INTS14: variants seen among roughly 807,000 people sequenced by gnomAD.
INTS14 encodes the protein UPF0464 protein C15orf44.
A neutral mutation model predicts 56.9 loss-of-function variants in INTS14; 27 were observed. The observed-to-expected ratio is 0.47, with a 90% CI of 0.35 to 0.65. The LOEUF (loss-of-function observed/expected upper bound fraction) is 0.65, where lower values mean the gene tolerates loss of function less well. Ranked by LOEUF, INTS14 falls within the 30% of genes least tolerant of loss-of-function variation. INTS14 has a pLI of 0.00. For synonymous variants in INTS14, 207 were observed against 236.2 expected (o/e 0.88, Z 1.13); for missense variants, 517 against 632.2 (o/e 0.82, Z 1.95).
In INTS14 at chr15:65,594,095, C is replaced by G. The variant is rs371692548; in HGVS notation, c.842-523G>C. ...TGGAAGCTTCAGGCACCCATTTAAA[C>G]AGAATTAGATACAGAGATGTCAAGT... On this transcript the variant is annotated intron_variant, in intron 7 of 11. Transcript: ENST00000313182. 5.9e-5 allele frequency among the ~76,000 whole-genome samples: 9 copies of G among 152,154 alleles called. No individual in the cohort carries two copies. The East Asian group carries it at 9.6e-4, about 16-fold the overall frequency.
At position 65,579,154 on chromosome 15, in the gene INTS14, G is replaced by A. The variant is rs1437010363; in HGVS notation, c.*254C>T. The A allele has an allele frequency of 2.3e-6, 1 of 436,478 alleles. No homozygotes were observed. Among genetic ancestry groups the A allele is most frequent in the South Asian group, 3.3e-5 (1 of 29,968 alleles). 27.0% of individuals were successfully genotyped at this position (436,478 alleles called of 1,614,324 possible). On this transcript the variant is annotated 3_prime_UTR_variant, in exon 12 of 12. Coordinates refer to ENST00000313182, the MANE Select transcript of INTS14 (RefSeq NM_001394796.1). ...CAGTCATTCAAGCTTCTCAGGAAAT[G>A]TGCCCATCATGGGAACAGCAGCTAT...
At chr15:65,597,231 T>G (rs1246685279) in intron 6 of INTS14, among the ~76,000 whole-genome samples, 2 of 152,160 alleles carry the variant, frequency 1.3e-5, no homozygotes, top group Non-Finnish European at 2.9e-5. Flanking sequence ...TCACAGCCCC[T>G]CACTCCAACA....
At position 65,582,028 on chromosome 15, in the gene INTS14, G is replaced by T; in HGVS notation, c.1240-9C>A. On this transcript the variant is annotated splice_polypyrimidine_tract_variant and intron_variant, in intron 10 of 11. Transcript: ENST00000313182. ...ATCTTCTGTACATCTGTCTATTAAGGGTAAAAAAAAAAATCCAACATTAGA... is the reference window on the plus strand; with the variant it reads ...ATCTTCTGTACATCTGTCTATTAAGTGTAAAAAAAAAAATCCAACATTAGA... 6.4e-7 allele frequency: 1 copy of T among 1,573,270 alleles called. No homozygotes were observed.
intron 3 of INTS14, among the ~76,000 whole-genome samples, chr15:65,600,913 T>G (rs190485102): frequency 1.4e-3 from 210 of 152,314 alleles, no homozygotes; most frequent in Middle Eastern, 6.8e-3. Flanking sequence ...CTTACTTAAT[T>G]GTATTAAAAC....
intron 4 of INTS14, chr15:65,599,518 AAC>A: frequency 6.6e-6 from 2 of 304,494 alleles, no homozygotes; most frequent in Non-Finnish European, 1.2e-5. Context: ...CACCAAAAAG[AAC>A]ACCTTGACCC....
At chr15:65,606,008 C>T (rs2073631156) in intron 2 of INTS14, among the ~76,000 whole-genome samples, 1 of 151,818 alleles carries the variant, frequency 6.6e-6, no homozygotes, top group Admixed American at 6.6e-5. Flanking sequence ...GTAATCCCAG[C>T]ACTTTGGGAC....
At chr15:65,608,881 T>C (rs2073750602) in intron 1 of INTS14, among the ~76,000 whole-genome samples, 1 of 152,184 alleles carries the variant, frequency 6.6e-6, no homozygotes, top group African/African-American at 2.4e-5. Context: ...TGTGTCATAT[T>C]CTAAAATTCC....
intron 7 of INTS14, among the ~76,000 whole-genome samples, chr15:65,595,035 A>C (rs1328331290): frequency 6.6e-6 from 1 of 152,230 alleles, no homozygotes; most frequent in Non-Finnish European, 1.5e-5. Context: ...GATAAATATA[A>C]AGTGGATGGT....
chr15:65,593,570 CTTCTGTG>C lies in INTS14; in HGVS notation c.842-5_843del. 2 of 1,603,838 alleles carry C rather than the reference CTTCTGTG, an allele frequency of 1.2e-6. No individual in the cohort carries two copies. The highest frequency in any genetic ancestry group is 1.7e-5 in the Admixed American group (1 of 57,202). On this transcript the variant is annotated splice_acceptor_variant and splice_polypyrimidine_tract_variant and coding_sequence_variant and intron_variant, in exon 8 of 12. Coordinates refer to ENST00000313182, the MANE Select transcript of INTS14 (RefSeq NM_001394796.1). LOFTEE classifies it high-confidence loss of function. ...GTGATGCCAGTACCCACCTCATCAC[CTTCTGTG>C]AAAAAAAGAGAAAACAGGTCAGACT...
At chr15:65,581,535 G>A (rs1191599107) in intron 11 of INTS14, among the ~76,000 whole-genome samples, 4 of 111,862 alleles carry the variant, frequency 3.6e-5, no homozygotes, top group Admixed American at 2.4e-4. Flanking sequence ...GCAACAGAGT[G>A]TGACTCCATC....
At position 65,607,254 on chromosome 15, in the gene INTS14, C is replaced by A; in HGVS notation, c.127G>T (p.Ala43Ser). The change falls in exon 2 of 12, where the codon GCC becomes TCC. Residue 43 changes from alanine to serine, a missense_variant. Transcript: ENST00000313182. The part of the protein sequence containing the change: ...HGLTMLFEHM[A>S]TNYKLEFTAL... ...GTAAATTCAAGCTTGTAATTTGTGG[C>A]CATGTGCTCAAACAGCATCGTTAAA... 1 of 1,614,142 alleles carries A rather than the reference C, an allele frequency of 6.2e-7. No homozygotes were observed. Among genetic ancestry groups the A allele is most frequent in the Non-Finnish European group, 8.5e-7 (1 of 1,180,032 alleles).
chr15:65,592,974 G>A (rs981891612), intron 8 of INTS14, among the ~76,000 whole-genome samples: 1 of 152,070 alleles, frequency 6.6e-6, no homozygotes, highest in South Asian at 2.1e-4. Flanking sequence ...GGTAATAGCA[G>A]CTAGGTACTG....
intron 11 of INTS14, among the ~76,000 whole-genome samples, 167 bp downstream of exon 11, chr15:65,581,787 C>A (rs939333850): frequency 6.6e-6 from 1 of 151,290 alleles, no homozygotes; most frequent in Admixed American, 6.8e-5. Context: ...TCTTCCAATT[C>A]TTGGATTTTA....
intron 9 of INTS14, chr15:65,586,762 G>T (rs1173405911): frequency 6.6e-6 from 1 of 152,086 alleles, no homozygotes; most frequent in Admixed American, 6.6e-5. Context: ...GGCAGAAAGA[G>T]ATAGAAAATT....
intron 3 of INTS14, among the ~76,000 whole-genome samples, chr15:65,602,321 T>A (rs997415826): frequency 6.6e-6 from 1 of 151,282 alleles, no homozygotes; most frequent in Admixed American, 6.6e-5. Flanking sequence ...AGTCTCGCTC[T>A]GTTGCCCAGA....
rs1321891349 is a variant in INTS14 at position 65,591,731 on chromosome 15, A to G, written c.987T>C (p.Gly329=). The change falls in exon 9 of 12, where the codon GGT becomes GGC. Residue 329 remains glycine, a splice_region_variant and synonymous_variant. Coordinates refer to ENST00000313182, the MANE Select transcript of INTS14 (RefSeq NM_001394796.1). The stretch of plus-strand genomic sequence containing the variant: ...AGTAGAGCATTCCATGCCATTCAGG[A>G]CTAGATGGAGAGAAGACGGAAGATC... ...VEGMVAIVQL[G]PEWHGMLYSQ... 1 of 1,613,882 alleles carries G rather than the reference A, an allele frequency of 6.2e-7. No individual in the cohort carries two copies. The highest frequency in any genetic ancestry group is 8.5e-7 in the Non-Finnish European group (1 of 1,179,914).
Position 65,607,383 on chromosome 15 carries a change from T to C in INTS14, c.-3A>G. On this transcript the variant is annotated 5_prime_UTR_variant, in exon 2 of 12. Coordinates refer to ENST00000313182, the MANE Select transcript of INTS14 (RefSeq NM_001394796.1). ...TCCATTACCACCACTGTCGGCATGA[T>C]GAAAATGATCCCAGTGTTCCCAATC... 6.2e-7 allele frequency: 1 copy of C among 1,614,138 alleles called. No homozygotes were observed. The highest frequency in any genetic ancestry group is 1.1e-5 in the South Asian group (1 of 91,062).
At position 65,611,090 on chromosome 15, in the gene INTS14, C is replaced by A; in HGVS notation, c.-63+8G>T. Reference sequence around the variant, plus strand: ...AGGCAGTCCCGGGCCCTCGGCCTCCCCACTCACCCCGTGCCCATCGCCGGA... The same window carrying A: ...AGGCAGTCCCGGGCCCTCGGCCTCCACACTCACCCCGTGCCCATCGCCGGA... On this transcript the variant is annotated splice_region_variant and intron_variant, in intron 1 of 11. Coordinates refer to ENST00000313182, the MANE Select transcript of INTS14 (RefSeq NM_001394796.1). 1 of 1,535,738 alleles carries A rather than the reference C, an allele frequency of 6.5e-7. No homozygotes were observed. Among genetic ancestry groups the A allele is most frequent in the East Asian group, 2.4e-5 (1 of 40,900 alleles).
In INTS14 at chr15:65,598,972, A is replaced by T; in HGVS notation, c.505T>A (p.Leu169Met). The change falls in exon 5 of 12, where the codon TTG (leucine) becomes ATG (methionine). Residue 169 changes from leucine to methionine, a missense_variant. By Grantham distance (15) the Leu-to-Met change is conservative (BLOSUM62 2). Coordinates refer to ENST00000313182, the MANE Select transcript of INTS14 (RefSeq NM_001394796.1). ...TCTATGAGACGTTCAAGGCATTCCAAGGAATCGGTGCTCTGGAGCTATAAA... is the reference window on the plus strand; with the variant it reads ...TCTATGAGACGTTCAAGGCATTCCATGGAATCGGTGCTCTGGAGCTATAAA... Reference protein sequence around the residue: ...NLEELQSTDSLECLERLIDLN... With the variant: ...NLEELQSTDSMECLERLIDLN... 1 of 1,613,744 alleles carries T rather than the reference A, an allele frequency of 6.2e-7. No individual in the cohort carries two copies. The highest frequency in any genetic ancestry group is 1.3e-5 in the African/African-American group (1 of 75,046).
Sources: gnomAD v4.1 joint callset for allele counts (sites outside exome capture counted in the v4.1 genomes callset) on GRCh38, gnomAD v4.1.1 for gene constraint, MANE v1.5 for transcripts, NCBI Gene and HGNC (gene_info 2026-07-23, HGNC 2026-07-21) for gene names.